The following CCSER1 variants were observed in gnomAD, a reference collection of about 807,000 sequenced individuals.
CCSER1 encodes the protein serine-rich coiled-coil domain-containing protein 1.
Under a neutral mutation model 82.0 loss-of-function variants are expected in CCSER1, and 41 were observed. The observed-to-expected ratio is 0.50, with a 90% CI of 0.39 to 0.65. The LOEUF (loss-of-function observed/expected upper bound fraction) is 0.65. Among genes scored for constraint, CCSER1 ranks in the 30% least tolerant of loss-of-function variants. The pLI, the probability that CCSER1 is intolerant of heterozygous loss-of-function variation, is 0.00. For synonymous variants in CCSER1, 414 were observed against 383.9 expected, an observed-to-expected ratio of 1.08 and a Z score of -0.92; for missense variants, 1,119 against 1,064.2, an observed-to-expected ratio of 1.05 and a Z score of -0.72.
intron 1 of CCSER1, among the ~76,000 whole-genome samples, chr4:90,140,877 G>C (rs1724632598): frequency 6.6e-6 from 1 of 151,666 alleles, no homozygotes; most frequent in African/African-American, 2.4e-5. Context: ...ATATTGGCCA[G>C]GATGGTCTCG....
chr4:90,551,584 C>G (rs531078842), intron 5 of CCSER1, among the ~76,000 whole-genome samples: 1 of 151,650 alleles, frequency 6.6e-6, no homozygotes, highest in Non-Finnish European at 1.5e-5. Context: ...CCCCCAAATA[C>G]AATGGGTGGA....
At chr4:90,727,611 C>A (rs1743899672) in intron 7 of CCSER1, among the ~76,000 whole-genome samples, 1 of 152,106 alleles carries the variant, frequency 6.6e-6, no homozygotes, top group Non-Finnish European at 1.5e-5. Context: ...CAAGCCACTA[C>A]ATTTCACTGT....
At chr4:91,058,232 A>C (rs1030774172) in intron 9 of CCSER1, among the ~76,000 whole-genome samples, 1 of 151,810 alleles carries the variant, frequency 6.6e-6, no homozygotes, top group African/African-American at 2.4e-5. Context: ...TGTTCTCATC[A>C]TTTGGCTCCC....
At chr4:91,233,217 A>G (rs1192120158) in intron 10 of CCSER1, among the ~76,000 whole-genome samples, 2 of 152,052 alleles carry the variant, frequency 1.3e-5, no homozygotes, top group East Asian at 1.9e-4. Context: ...AGAGTTCTGA[A>G]AGAGATTAAT....
chr4:91,184,961 C>A (rs1734387010), intron 10 of CCSER1, among the ~76,000 whole-genome samples: 1 of 152,186 alleles, frequency 6.6e-6, no homozygotes, highest in Non-Finnish European at 1.5e-5. Context: ...GTCCATCGGG[C>A]CCTTCACAAT....
intron 5 of CCSER1, among the ~76,000 whole-genome samples, chr4:90,603,418 G>A (rs558079233): frequency 1.3e-5 from 2 of 152,102 alleles, no homozygotes; most frequent in Non-Finnish European, 2.9e-5. Flanking sequence ...AGAGAATAAT[G>A]GCTTTTCTTA....
intron 5 of CCSER1, among the ~76,000 whole-genome samples, chr4:90,518,683 T>C (rs910637636): frequency 6.6e-6 from 1 of 151,994 alleles, no homozygotes; most frequent in Non-Finnish European, 1.5e-5. Flanking sequence ...ATAGAAAATA[T>C]CATCTCAAAC....
At chr4:91,276,319 A>G (rs1477161816) in intron 10 of CCSER1, among the ~76,000 whole-genome samples, 1 of 141,028 alleles carries the variant, frequency 7.1e-6, no homozygotes, top group Non-Finnish European at 1.5e-5. Flanking sequence ...TTTGTCCTCA[A>G]CTTCTTTCAT....
intron 10 of CCSER1, among the ~76,000 whole-genome samples, chr4:91,538,692 T>C (rs971328703): frequency 1.2e-4 from 5 of 41,588 alleles, no homozygotes; most frequent in African/African-American, 5.0e-4. Context: ...ATATATTATA[T>C]ATACACATAT....
At chr4:90,180,205 T>A (rs1268011176) in intron 1 of CCSER1, among the ~76,000 whole-genome samples, 1 of 151,834 alleles carries the variant, frequency 6.6e-6, no homozygotes, top group East Asian at 1.9e-4. Flanking sequence ...TTTTTAGGCA[T>A]TTTTTAAGAC....
chr4:91,210,745 C>T (rs1736749828), intron 10 of CCSER1, among the ~76,000 whole-genome samples: 1 of 151,750 alleles, frequency 6.6e-6, no homozygotes, highest in Non-Finnish European at 1.5e-5. Context: ...CTACAATTTC[C>T]TCAGCTGAAT....
intron 10 of CCSER1, among the ~76,000 whole-genome samples, chr4:91,227,103 G>A (rs1370026637): frequency 6.6e-6 from 1 of 151,834 alleles, no homozygotes; most frequent in Non-Finnish European, 1.5e-5. Flanking sequence ...TGTATTATTA[G>A]TTAGCTATGT....
chr4:91,191,750 G>T (rs1735010667), intron 10 of CCSER1, among the ~76,000 whole-genome samples: 1 of 152,152 alleles, frequency 6.6e-6, no homozygotes, highest in Non-Finnish European at 1.5e-5. Context: ...TTATTATCTG[G>T]TGCTGAAATG....
At chr4:90,956,487 A>G (rs941492108) in intron 9 of CCSER1, among the ~76,000 whole-genome samples, 2 of 152,152 alleles carry the variant, frequency 1.3e-5, no homozygotes, top group African/African-American at 4.8e-5. Flanking sequence ...CACTATTCAG[A>G]CAGGCATCTA....
At chr4:91,194,925 C>T (rs972032571) in intron 10 of CCSER1, among the ~76,000 whole-genome samples, 2 of 152,092 alleles carry the variant, frequency 1.3e-5, no homozygotes, top group African/African-American at 4.8e-5. Context: ...GCTCACATGC[C>T]CTATTTACAA....
chr4:91,298,177 G>A (rs928377401), intron 10 of CCSER1, among the ~76,000 whole-genome samples: 1 of 152,034 alleles, frequency 6.6e-6, no homozygotes, highest in Non-Finnish European at 1.5e-5. Flanking sequence ...TATTAGAAAA[G>A]TGGATCAGTC....
At chr4:91,580,240 T>C (rs1401756009) in intron 10 of CCSER1, among the ~76,000 whole-genome samples, 1 of 151,826 alleles carries the variant, frequency 6.6e-6, no homozygotes, top group Non-Finnish European at 1.5e-5. Flanking sequence ...AATTTTCTTT[T>C]GGTGACATAT....
chr4:90,708,442 T>C (rs1316326699), intron 6 of CCSER1, among the ~76,000 whole-genome samples: 4 of 152,158 alleles, frequency 2.6e-5, no homozygotes, highest in Non-Finnish European at 5.9e-5. Context: ...AATATTTCTT[T>C]GCTAGGGAGA....
At chr4:91,189,909 G>A (rs1734862346) in intron 10 of CCSER1, among the ~76,000 whole-genome samples, 1 of 152,124 alleles carries the variant, frequency 6.6e-6, no homozygotes, top group African/African-American at 2.4e-5. Context: ...AAAACAGTGA[G>A]TATTTCTTAT....
Sources: allele counts gnomAD v4.1 joint callset (sites outside exome capture counted in the v4.1 genomes callset), GRCh38; gene constraint gnomAD v4.1.1; transcripts MANE v1.5; gene names NCBI Gene and HGNC (gene_info 2026-07-23, HGNC 2026-07-21).